The following APBB2 variants were observed in gnomAD, a reference collection of about 807,000 sequenced individuals.
The protein encoded by APBB2 is amyloid beta precursor protein binding family B member 2.
In APBB2, 38 loss-of-function variants were observed where a neutral mutation model predicts 82.5. The ratio of observed to expected loss-of-function variants is 0.46; its 90% CI spans 0.36 to 0.60. The LOEUF (loss-of-function observed/expected upper bound fraction) is 0.60. Among genes scored for constraint, APBB2 ranks in the 20% least tolerant of loss-of-function variants. The pLI is 0.00. For synonymous variants in APBB2, 341 were observed against 368.2 expected, an observed-to-expected ratio of 0.93 and a Z score of 0.85; for missense variants, 772 against 972.3, an observed-to-expected ratio of 0.79 and a Z score of 2.74.
chr4:41,104,338 C>CTG (rs1177359745), intron 2 of APBB2, among the ~76,000 whole-genome samples: 7 of 152,166 alleles, frequency 4.6e-5, no homozygotes, highest in Non-Finnish European at 1.0e-4. Context: ...ATCCCACACA[C>CTG]TGATATCACA....
At chr4:40,830,326 ACT>A in intron 13 of APBB2, 135 bp downstream of exon 13, 1 of 634,894 alleles carries the variant, frequency 1.6e-6, no homozygotes, top group Non-Finnish European at 2.9e-6. Flanking sequence ...TACTTTAATG[ACT>A]CTGGCTGAAC....
chr4:40,989,113 A>G (rs529262341), intron 6 of APBB2, among the ~76,000 whole-genome samples: 1 of 152,224 alleles, frequency 6.6e-6, no homozygotes, highest in Non-Finnish European at 1.5e-5. Flanking sequence ...TGAGAAACAA[A>G]CTGATAACCT....
intron 10 of APBB2, among the ~76,000 whole-genome samples, chr4:40,932,697 G>C (rs1311692350): frequency 1.3e-5 from 2 of 152,166 alleles, no homozygotes; most frequent in Non-Finnish European, 2.9e-5. Flanking sequence ...GGAATTCCAT[G>C]GTTGTTAGCA....
chr4:40,880,948 G>C (rs1472486988), intron 12 of APBB2: 23 of 980,254 alleles, frequency 2.3e-5, no homozygotes, highest in Non-Finnish European at 2.8e-5. Flanking sequence ...GGACCGCCAT[G>C]AACGATCTGT....
chr4:41,184,857 G>A (rs1034266670), intron 1 of APBB2, among the ~76,000 whole-genome samples: 1 of 152,164 alleles, frequency 6.6e-6, no homozygotes, highest in African/African-American at 2.4e-5. Flanking sequence ...TGGAAGGTTG[G>A]CAGAGACTCC....
At chr4:41,206,598 A>G (rs1365267650) in intron 1 of APBB2, among the ~76,000 whole-genome samples, 1 of 152,182 alleles carries the variant, frequency 6.6e-6, no homozygotes, top group Non-Finnish European at 1.5e-5. Flanking sequence ...AGTCTGAATC[A>G]ATGCTTCCCA....
At chr4:40,890,583 T>C in intron 11 of APBB2, 92 bp from the exon 12 acceptor site, 2 of 1,535,510 alleles carry the variant, frequency 1.3e-6, no homozygotes, top group South Asian at 2.5e-5. Context: ...GTGTCAACCA[T>C]CAGAAGAAGC....
intron 12 of APBB2, among the ~76,000 whole-genome samples, chr4:40,872,295 A>C (rs534891306): frequency 1.7e-3 from 256 of 152,348 alleles, no homozygotes; most frequent in Non-Finnish European, 3.0e-3. Flanking sequence ...TAAGCCACTG[A>C]GATTTTTGGT....
intron 1 of APBB2, among the ~76,000 whole-genome samples, chr4:41,191,561 T>G (rs756575831): frequency 7.9e-5 from 12 of 152,098 alleles, no homozygotes; most frequent in Non-Finnish European, 1.6e-4. Context: ...AAAACTGGAT[T>G]TCCACACACA....
At chr4:40,965,925 A>G (rs4544744) in intron 6 of APBB2, among the ~76,000 whole-genome samples, 23,826 of 152,248 alleles carry the variant, frequency 0.16, 2,386 homozygotes, top group Middle Eastern at 0.23. Flanking sequence ...TGAAGCACTC[A>G]TAACGTTCTA....
Position 40,832,118 on chromosome 4 carries a change from A to G in APBB2, c.1530-1541T>C, listed in dbSNP as rs1752234828. Among the ~76,000 whole-genome samples, 1 of 151,844 alleles carries G rather than the reference A, an allele frequency of 6.6e-6. No homozygotes were observed. Among genetic ancestry groups the G allele is most frequent in the Non-Finnish European group, 1.5e-5 (1 of 67,996 alleles). On this transcript the variant is annotated intron_variant, in intron 12 of 17. Transcript: ENST00000508593. This position sits in a 1 kb window ranked among gnomAD's most constrained non-coding sequence, Gnocchi z 4.8. ...ATTTATTTGCATCTGATGCTAAGCC[A>G]GGATACTGTCTGGAGATATAACTAC...
chr4:41,085,653 T>C lies in APBB2; in HGVS notation c.-149+14986A>G, dbSNP rs183811532. 4.5e-4 allele frequency among the ~76,000 whole-genome samples: 68 copies of C among 152,168 alleles called. 1 individual carries two copies. The highest frequency in any genetic ancestry group is 4.4e-3 in the Admixed American group (67 of 15,268). Reference sequence around the variant, plus strand: ...AACAAATAATAAGAACAAACTACAATGAGTAGTGAGACAAAGGCACTACCC... The same window carrying C: ...AACAAATAATAAGAACAAACTACAACGAGTAGTGAGACAAAGGCACTACCC... On this transcript the variant is annotated intron_variant, in intron 3 of 17. Coordinates refer to ENST00000508593, the MANE Select transcript of APBB2 (RefSeq NM_004307.2).
chr4:41,188,791 G>A (rs1306024359), intron 1 of APBB2, among the ~76,000 whole-genome samples: 1 of 152,166 alleles, frequency 6.6e-6, no homozygotes, highest in Non-Finnish European at 1.5e-5. Context: ...GCACGTGCCT[G>A]TAGTCTGGGC....
At chr4:41,044,818 G>A (rs540308129) in intron 4 of APBB2, among the ~76,000 whole-genome samples, 24 of 152,124 alleles carry the variant, frequency 1.6e-4, no homozygotes, top group South Asian at 4.2e-4. Flanking sequence ...CTTGGTATGG[G>A]TTGTTCTAAG....
intron 1 of APBB2, among the ~76,000 whole-genome samples, chr4:41,149,405 A>T (rs1289847729): frequency 2.0e-5 from 3 of 152,160 alleles, no homozygotes; most frequent in Non-Finnish European, 4.4e-5. Flanking sequence ...CTGAGAACTA[A>T]GCTATGCAGG....
At chr4:41,032,927 GGC>G (rs1457588491) in intron 5 of APBB2, among the ~76,000 whole-genome samples, 2 of 150,352 alleles carry the variant, frequency 1.3e-5, no homozygotes, top group Non-Finnish European at 3.0e-5. Context: ...TGGGACTACA[GGC>G]GCGCGCCACC....
intron 12 of APBB2, chr4:40,857,232 C>A: frequency 1.1e-6 from 1 of 948,890 alleles, no homozygotes; most frequent in Non-Finnish European, 1.3e-6. Context: ...GCTGGGGAGG[C>A]GCGTGGCCCC....
chr4:40,923,510 C>G (rs1173748093), intron 10 of APBB2, among the ~76,000 whole-genome samples: 1 of 152,196 alleles, frequency 6.6e-6, no homozygotes, highest in African/African-American at 2.4e-5. Flanking sequence ...CTACTCCTGC[C>G]CGAGGCTGTT....
chr4:41,030,470 C>T (rs1002155692), intron 5 of APBB2, among the ~76,000 whole-genome samples: 7 of 152,136 alleles, frequency 4.6e-5, no homozygotes, highest in African/African-American at 1.2e-4. Context: ...AGTCATCATG[C>T]ACTACAGCCT....
Sources: allele counts gnomAD v4.1 joint callset (sites outside exome capture counted in the v4.1 genomes callset), GRCh38; gene constraint gnomAD v4.1.1; non-coding constraint Gnocchi (gnomAD v3.1); transcripts MANE v1.5; gene names NCBI Gene and HGNC (gene_info 2026-07-23, HGNC 2026-07-21).